The following ATF6 variants were observed in gnomAD, a reference collection of about 807,000 sequenced individuals.
The protein encoded by ATF6 is cyclic AMP-dependent transcription factor ATF-6 alpha.
A neutral mutation model predicts 83.6 loss-of-function variants in ATF6; 53 were observed. That is an observed-to-expected ratio of 0.63 (90% CI 0.51 to 0.80). The LOEUF is 0.80. Ranked by LOEUF, ATF6 falls within the 30% of genes least tolerant of loss-of-function variation. The pLI, the probability that ATF6 is intolerant of heterozygous loss-of-function variation, is 0.00. For missense variants in ATF6, 744 were observed against 797.9 expected (o/e 0.93, Z 0.81); for synonymous variants, 288 against 285.8 (o/e 1.01, Z -0.08).
At chr1:161,905,152 C>T (rs915442241) in intron 14 of ATF6, among the ~76,000 whole-genome samples, 1 of 151,816 alleles carries the variant, frequency 6.6e-6, no homozygotes, top group Admixed American at 6.6e-5. Flanking sequence ...TTTTTTTCTC[C>T]CCTTCCAGAA....
At chr1:161,931,198 G>A (rs975711870) in intron 15 of ATF6, among the ~76,000 whole-genome samples, 1 of 151,738 alleles carries the variant, frequency 6.6e-6, no homozygotes, top group Non-Finnish European at 1.5e-5. Flanking sequence ...TCTAATATTT[G>A]TTCTGTTTTT....
rs916660892 is a variant in ATF6 at position 161,963,609 on chromosome 1, A to G, written c.*4955A>G. On this transcript the variant is annotated 3_prime_UTR_variant, in exon 16 of 16. Coordinates refer to ENST00000367942, the MANE Select transcript of ATF6 (RefSeq NM_007348.4). Reference sequence around the variant, plus strand: ...CCCTTTATGTTAATCCCAGCTAGAGATTAGTAGGTTGACTTTCACAGCAAT... The same window carrying G: ...CCCTTTATGTTAATCCCAGCTAGAGGTTAGTAGGTTGACTTTCACAGCAAT... 5 of 152,184 alleles carry G rather than the reference A, an allele frequency of 3.3e-5. No homozygotes were observed. The highest frequency in any genetic ancestry group is 7.2e-5 in the African/African-American group (3 of 41,436). 9.4% of individuals were successfully genotyped at this position (152,184 alleles called of 1,614,324 possible).
chr1:161,802,325 A>G (rs1196481634), intron 7 of ATF6, 53 bp downstream of exon 7: 12 of 1,510,810 alleles, frequency 7.9e-6, no homozygotes, highest in Non-Finnish European at 1.1e-5. Context: ...AAACCAACAA[A>G]AAAACACCTT....
chr1:161,816,366 T>C (rs1045654983), intron 7 of ATF6, among the ~76,000 whole-genome samples: 1 of 152,190 alleles, frequency 6.6e-6, no homozygotes, highest in African/African-American at 2.4e-5. Context: ...GAGATTAGGC[T>C]TCCAGATACA....
At chr1:161,919,438 A>T (rs1370137339) in intron 15 of ATF6, among the ~76,000 whole-genome samples, 5 of 152,132 alleles carry the variant, frequency 3.3e-5, no homozygotes, top group Admixed American at 6.5e-5. Flanking sequence ...AAAACTGTTC[A>T]TTTCCTTTCT....
chr1:161,814,956 A>G lies in ATF6; in HGVS notation c.910-4677A>G, dbSNP rs181052258. ...AATTTTTATTTAATTGAAAGATTGT[A>G]TTTTTATTTTTGGTCAGTTACAGTG... On this transcript the variant is annotated intron_variant, in intron 7 of 15. Transcript: ENST00000367942. Among the ~76,000 whole-genome samples, 42 of 152,146 alleles carry G rather than the reference A, an allele frequency of 2.8e-4. 2 individuals are homozygous for G. The Middle Eastern group carries it at 0.017, about 62-fold the overall frequency.
At chr1:161,809,414 G>T (rs1014875780) in intron 7 of ATF6, among the ~76,000 whole-genome samples, 1 of 152,172 alleles carries the variant, frequency 6.6e-6, no homozygotes, top group African/African-American at 2.4e-5. Flanking sequence ...TGGTGTATAT[G>T]TGCCACATTT....
At chr1:161,843,588 TC>T (rs1167576667) in intron 9 of ATF6, among the ~76,000 whole-genome samples, 1 of 152,162 alleles carries the variant, frequency 6.6e-6, no homozygotes, top group African/African-American at 2.4e-5. Context: ...AGCTTCAACT[TC>T]CTTTGAGCCT....
At chr1:161,905,990 G>A (rs901071342) in intron 14 of ATF6, among the ~76,000 whole-genome samples, 30 of 151,902 alleles carry the variant, frequency 2.0e-4, no homozygotes, top group African/African-American at 6.8e-4. Context: ...CTGCCACCAC[G>A]CCTGGCTAAT....
chr1:161,890,923 C>T (rs949406372), intron 14 of ATF6: 2 of 152,248 alleles, frequency 1.3e-5, no homozygotes, highest in Admixed American at 6.5e-5. Flanking sequence ...CCCCAAAGCT[C>T]GACGCCTCTA....
intron 1 of ATF6, among the ~76,000 whole-genome samples, chr1:161,776,634 T>C (rs538267780): frequency 6.6e-6 from 1 of 152,194 alleles, no homozygotes; most frequent in Non-Finnish European, 1.5e-5. Flanking sequence ...GTTTTTGGCC[T>C]GAGCAACTGG....
Position 161,892,628 on chromosome 1 carries a change from CT to C in ATF6, c.1720-19649del, listed in dbSNP as rs773642361. Among the ~76,000 whole-genome samples the C allele has an allele frequency of 5.5e-3, 688 of 124,656 alleles. 4 individuals carry two copies. The highest frequency in any genetic ancestry group is 0.017 in the African/African-American group (537 of 32,540). 81.8% of individuals were successfully genotyped at this position (124,656 alleles called of 152,430 possible). On this transcript the variant is annotated intron_variant, in intron 14 of 15. Coordinates refer to ENST00000367942, the MANE Select transcript of ATF6 (RefSeq NM_007348.4). ...TCCCTCTCAGGTTATACAGGTCATTCTTTTTTTTTTTTTTTTTTTGAGATGG... is the reference window on the plus strand; with the variant it reads ...TCCCTCTCAGGTTATACAGGTCATTCTTTTTTTTTTTTTTTTTTGAGATGG...
chr1:161,851,896 C>T, intron 11 of ATF6, 61 bp downstream of exon 11: 1 of 1,228,262 alleles, frequency 8.1e-7, no homozygotes, highest in Non-Finnish European at 1.2e-6. Context: ...GTTTTGGAAC[C>T]TAGACAAGTA....
intron 15 of ATF6, among the ~76,000 whole-genome samples, chr1:161,947,007 A>G (rs1386920207): frequency 2.0e-5 from 3 of 152,304 alleles, no homozygotes; most frequent in East Asian, 3.9e-4. Context: ...CACTCGGTAT[A>G]TGTGTAAGAA....
At position 161,842,868 on chromosome 1, in the gene ATF6, C is replaced by T. The variant is rs112049948; in HGVS notation, c.1188-3581C>T. Among the ~76,000 whole-genome samples, 961 of 152,310 alleles carry T rather than the reference C, an allele frequency of 6.3e-3. 10 individuals carry two copies. Among genetic ancestry groups the T allele is most frequent in the African/African-American group, 0.022 (911 of 41,564 alleles). The stretch of plus-strand genomic sequence containing the variant: ...ATAAATGTTTTCAAAGTGAAAGGAG[C>T]ACATCCTACCACACAGTTCAAAAAC... On this transcript the variant is annotated intron_variant, in intron 9 of 15. Transcript: ENST00000367942.
intron 14 of ATF6, among the ~76,000 whole-genome samples, chr1:161,892,625 A>ATCCT (rs1687580650): frequency 7.6e-6 from 1 of 132,442 alleles, no homozygotes; most frequent in African/African-American, 2.9e-5. Flanking sequence ...TATACAGGTC[A>ATCCT]TTCTTTTTTT....
intron 2 of ATF6, among the ~76,000 whole-genome samples, chr1:161,779,559 G>T: frequency 6.6e-6 from 1 of 152,134 alleles, no homozygotes; most frequent in Non-Finnish European, 1.5e-5. Context: ...AATTTCTGAT[G>T]TGATAAAATC....
chr1:161,791,106 CTGTGTGTG>C (rs565632055), intron 4 of ATF6, among the ~76,000 whole-genome samples: 2 of 120,768 alleles, frequency 1.7e-5, no homozygotes, highest in South Asian at 5.0e-4. Context: ...GTGTGTGTCT[CTGTGTGTG>C]TGTGTGTGTG....
At chr1:161,814,995 G>T (rs1302150533) in intron 7 of ATF6, among the ~76,000 whole-genome samples, 1 of 151,972 alleles carries the variant, frequency 6.6e-6, no homozygotes, top group Non-Finnish European at 1.5e-5. Flanking sequence ...AGGTTAATCA[G>T]TAATGGCTTC....
Sources: gnomAD v4.1 joint callset for allele counts (sites outside exome capture counted in the v4.1 genomes callset) on GRCh38, gnomAD v4.1.1 for gene constraint, MANE v1.5 for transcripts, NCBI Gene and HGNC (gene_info 2026-07-23, HGNC 2026-07-21) for gene names.